Variants in PTPRO observed in about 807,000 individuals in gnomAD.
The protein encoded by PTPRO is receptor-type tyrosine-protein phosphatase O.
In PTPRO, 62 loss-of-function variants were observed where a neutral mutation model predicts 145.2. That is an observed-to-expected ratio of 0.43 (90% CI 0.35 to 0.53). The LOEUF (loss-of-function observed/expected upper bound fraction) is 0.53. Ranked by LOEUF, PTPRO falls within the 20% of genes least tolerant of loss-of-function variation. The pLI is 0.01. For missense variants in PTPRO, 1,345 were observed against 1,482.7 expected (o/e 0.91, Z 1.53); for synonymous variants, 565 against 514.7 (o/e 1.10, Z -1.32).
At chr12:15,357,308 C>T (rs1264780121) in intron 1 of PTPRO, among the ~76,000 whole-genome samples, 1 of 152,218 alleles carries the variant, frequency 6.6e-6, no homozygotes, top group African/African-American at 2.4e-5. Flanking sequence ...GGACTTCTTC[C>T]ACTCATTCTA....
chr12:15,565,640 T>C lies in PTPRO; in HGVS notation c.2747+12T>C, dbSNP rs1173052591. The C allele has an allele frequency of 7.1e-7, 1 of 1,416,236 alleles. No individual in the cohort carries two copies. 87.7% of individuals were successfully genotyped at this position (1,416,236 alleles called of 1,614,324 possible). A position where few individuals can be genotyped will look rare whatever the true frequency, so the allele number is the denominator to read the frequency against. ...AGGAAACTGACAAAGTAAGTTTTTC[T>C]TACTATGTCATTTAAAAGGATGTTT... is the stretch of plus-strand genomic sequence containing the variant. On this transcript the variant is annotated intron_variant, in intron 18 of 26. Transcript: ENST00000281171.
At chr12:15,502,478 T>C (rs1185958052) in intron 5 of PTPRO, among the ~76,000 whole-genome samples, 5 of 152,232 alleles carry the variant, frequency 3.3e-5, no homozygotes, top group South Asian at 2.1e-4. Flanking sequence ...GTAATACTTA[T>C]GAAAACATTA....
intron 1 of PTPRO, among the ~76,000 whole-genome samples, chr12:15,323,630 T>C (rs1288229514): frequency 6.6e-6 from 1 of 152,208 alleles, no homozygotes; most frequent in African/African-American, 2.4e-5. Context: ...TCTGAAGTGA[T>C]TGTCTATCAC....
At chr12:15,505,761 T>C (rs1942308835) in intron 6 of PTPRO, among the ~76,000 whole-genome samples, 1 of 152,232 alleles carries the variant, frequency 6.6e-6, no homozygotes, top group African/African-American at 2.4e-5. Context: ...CCAGCAAAAG[T>C]ATATTTGCAG....
chr12:15,581,561 CT>C, intron 22 of PTPRO, 117 bp from the exon 23 acceptor site: 1 of 1,247,838 alleles, frequency 8.0e-7, no homozygotes, highest in Non-Finnish European at 1.2e-6. Context: ...TATGTTTCAT[CT>C]TCACCACGGT....
chr12:15,382,718 G>A (rs1191081111), intron 1 of PTPRO, among the ~76,000 whole-genome samples: 1 of 152,192 alleles, frequency 6.6e-6, no homozygotes, highest in African/African-American at 2.4e-5. Flanking sequence ...GTTAAAGGCA[G>A]TATAAAGAAG....
chr12:15,347,014 C>G (rs1043136647), intron 1 of PTPRO, among the ~76,000 whole-genome samples: 1 of 152,120 alleles, frequency 6.6e-6, no homozygotes, highest in African/African-American at 2.4e-5. Context: ...ATACCATTCT[C>G]TCTGCCTGGA....
At chr12:15,458,394 G>T (rs1941227272) in intron 1 of PTPRO, among the ~76,000 whole-genome samples, 1 of 151,930 alleles carries the variant, frequency 6.6e-6, no homozygotes, top group Non-Finnish European at 1.5e-5. Flanking sequence ...CCAGATTTGG[G>T]TAATTTCCAA....
At chr12:15,530,555 A>G (rs969189128) in intron 12 of PTPRO, among the ~76,000 whole-genome samples, 3 of 152,222 alleles carry the variant, frequency 2.0e-5, no homozygotes, top group African/African-American at 7.2e-5. Context: ...ATAAGACTAG[A>G]AAGTGGTAAC....
chr12:15,397,552 G>T (rs541891706), intron 1 of PTPRO, among the ~76,000 whole-genome samples: 1 of 152,114 alleles, frequency 6.6e-6, no homozygotes, highest in Non-Finnish European at 1.5e-5. Context: ...GATTTCACAG[G>T]TTCATTTTAC....
chr12:15,355,526 TG>T (rs74729146), intron 1 of PTPRO, among the ~76,000 whole-genome samples: 36,901 of 152,196 alleles, frequency 0.24, 4,691 homozygotes, highest in Non-Finnish European at 0.29. Context: ...AAAGCAGTGT[TG>T]GCCTTCACAC....
chr12:15,360,159 C>T (rs759209672), intron 1 of PTPRO, among the ~76,000 whole-genome samples: 5 of 152,130 alleles, frequency 3.3e-5, no homozygotes, highest in Non-Finnish European at 5.9e-5. Flanking sequence ...TAAAATGTAT[C>T]GCAAGCTGGA....
rs1469512416 is a variant in PTPRO at position 15,322,667 on chromosome 12, A to C, written c.-60A>C. The C allele has an allele frequency of 1.2e-5, 18 of 1,466,326 alleles. No individual in the cohort carries two copies. The highest frequency in any genetic ancestry group is 1.7e-5 in the Non-Finnish European group (18 of 1,067,398). 90.8% of individuals were successfully genotyped at this position (1,466,326 alleles called of 1,614,324 possible). A position where few individuals can be genotyped will look rare whatever the true frequency, so the allele number is the denominator to read the frequency against. Reference sequence around the variant, plus strand: ...GCTGCAGCCCCAGTTCGCCATTGTGAGCCGCCGCCGGGGGAGTCCGCTAGC... The same window carrying C: ...GCTGCAGCCCCAGTTCGCCATTGTGCGCCGCCGCCGGGGGAGTCCGCTAGC... On this transcript the variant is annotated 5_prime_UTR_variant, in exon 1 of 27. Coordinates refer to ENST00000281171, the MANE Select transcript of PTPRO (RefSeq NM_030667.3). This position sits in a 1 kb window ranked among gnomAD's most constrained non-coding sequence, Gnocchi z 6.3.
intron 1 of PTPRO, among the ~76,000 whole-genome samples, chr12:15,409,752 C>T (rs1247915834): frequency 6.6e-6 from 1 of 152,164 alleles, no homozygotes; most frequent in Non-Finnish European, 1.5e-5. Flanking sequence ...GAAGGTGCTA[C>T]ACACTTTTAA....
intron 1 of PTPRO, among the ~76,000 whole-genome samples, chr12:15,324,738 C>A (rs923747039): frequency 6.6e-6 from 1 of 151,846 alleles, no homozygotes; most frequent in African/African-American, 2.4e-5. Flanking sequence ...TATTAAATAC[C>A]TTCTATGTGC....
intron 1 of PTPRO, among the ~76,000 whole-genome samples, chr12:15,480,733 G>A (rs994487284): frequency 1.1e-4 from 4 of 36,992 alleles, no homozygotes; most frequent in African/African-American, 2.3e-4. Context: ...ATGGATGGAT[G>A]GATGGATGGA....
At chr12:15,394,015 C>G (rs186881413) in intron 1 of PTPRO, among the ~76,000 whole-genome samples, 16 of 152,174 alleles carry the variant, frequency 1.1e-4, no homozygotes, top group Admixed American at 9.2e-4. Context: ...CCAACCAACT[C>G]CTGTGATAAC....
chr12:15,489,552 C>T (rs997710262), intron 2 of PTPRO, among the ~76,000 whole-genome samples: 1 of 152,152 alleles, frequency 6.6e-6, no homozygotes, highest in East Asian at 1.9e-4. Flanking sequence ...ACTGTCATGG[C>T]ACTGGTGGGT....
Position 15,516,615 on chromosome 12 carries a change from A to AAGGGAGGG in PTPRO, c.1586-145_1586-144insGAGGGAGG, listed in dbSNP as rs58598813. 13 of 561,542 alleles carry AAGGGAGGG rather than the reference A, an allele frequency of 2.3e-5. No individual in the cohort carries two copies. The East Asian group carries it at 2.5e-4, about 11-fold the overall frequency. 34.8% of individuals were successfully genotyped at this position (561,542 alleles called of 1,614,324 possible). Reference sequence around the variant, plus strand: ...AAGGGGAGGAAGCAAGAAAGGGAGGAAGGAAGGAAGGAAGGAAGGAAGGGA... The same window carrying AAGGGAGGG: ...AAGGGGAGGAAGCAAGAAAGGGAGGAAGGGAGGGAGGAAGGAAGGAAGGAAGGAAGGGA... On this transcript the variant is annotated intron_variant, in intron 8 of 26. Coordinates refer to ENST00000281171, the MANE Select transcript of PTPRO (RefSeq NM_030667.3).
Sources: gnomAD v4.1 joint callset for allele counts (sites outside exome capture counted in the v4.1 genomes callset) on GRCh38, gnomAD v4.1.1 for gene constraint, Gnocchi (gnomAD v3.1) non-coding constraint, MANE v1.5 for transcripts, NCBI Gene and HGNC (gene_info 2026-07-23, HGNC 2026-07-21) for gene names.